The following PLCXD1 variants were observed in gnomAD, a reference collection of about 807,000 sequenced individuals.
PLCXD1 encodes phosphatidylinositol specific phospholipase C X domain containing 1, also known as PI-PLC X domain-containing protein 1.
PLCXD1 carries 45 observed loss-of-function variants against 37.8 expected under a neutral mutation model. That is an observed-to-expected ratio of 1.19 (90% confidence interval 0.94 to 1.53). The LOEUF (loss-of-function observed/expected upper bound fraction) is 1.53. Among genes scored for constraint, PLCXD1 ranks in the 40% most tolerant of loss-of-function variants. The probability of loss-of-function intolerance (pLI) is 0.00; values close to 1 mark genes in which losing one functional copy is unlikely to be tolerated. For missense variants in PLCXD1, 539 were observed against 454.7 expected, an observed-to-expected ratio of 1.19 and a Z score of -1.69; for synonymous variants, 246 against 206.9, an observed-to-expected ratio of 1.19 and a Z score of -1.62.
chrX:300,550 GTATGCA>G lies in PLCXD1; in HGVS notation c.*1217_*1222del, dbSNP rs2069980257. On this transcript the variant is annotated 3_prime_UTR_variant, in exon 7 of 7. Coordinates refer to ENST00000381657, the MANE Select transcript of PLCXD1 (RefSeq NM_018390.4). The stretch of plus-strand genomic sequence containing the variant: ...TACGTGTATGCATACATGTATATGT[GTATGCA>G]TGTATATGTGTATGTGTACATGTAT... The G allele has an allele frequency of 6.7e-6, 1 of 149,952 alleles. No homozygotes were observed. Among genetic ancestry groups the G allele is most frequent in the African/African-American group, 2.5e-5 (1 of 39,558 alleles). 9.3% of individuals were successfully genotyped at this position (149,952 alleles called of 1,614,324 possible). A position where few individuals can be genotyped will look rare whatever the true frequency, so the allele number is the denominator to read the frequency against.
chrX:278,293 GGAGT>G (rs377063231), upstream of PLCXD1, among the ~76,000 whole-genome samples: 38 of 152,156 alleles, frequency 2.5e-4, no homozygotes, highest in African/African-American at 7.5e-4. Context: ...TGGGAGGGAG[GGAGT>G]ATGACAGTAG....
At chrX:286,489 A>G (rs984452719) in intron 2 of PLCXD1, among the ~76,000 whole-genome samples, 7 of 152,146 alleles carry the variant, frequency 4.6e-5, no homozygotes, top group Non-Finnish European at 7.3e-5. Context: ...GATTAAAGAA[A>G]GAAGAGGTTT....
In PLCXD1 at chrX:293,105, C is replaced by T; in HGVS notation, c.620C>T (p.Ser207Phe). ...QVIVSYEDES[S>F]LRRHHELWPG... Reference sequence around the variant, plus strand: ...ATCGTCTCCTATGAAGACGAGAGCTCCTTGCGCCGGCACCACGAGCTGTGG... The same window carrying T: ...ATCGTCTCCTATGAAGACGAGAGCTTCTTGCGCCGGCACCACGAGCTGTGG... The change falls in exon 6 of 7, where the codon TCC (serine) becomes TTC (phenylalanine). Residue 207 changes from serine (S) to phenylalanine (F), a missense_variant. Ser to Phe is a radical substitution (Grantham distance 155). Transcript: ENST00000381657. 2 of 1,612,180 alleles carry T rather than the reference C, an allele frequency of 1.2e-6. No individual in the cohort carries two copies. The highest frequency in any genetic ancestry group is 1.7e-6 in the Non-Finnish European group (2 of 1,179,682).
At chrX:285,268 G>A (rs6655397) in intron 2 of PLCXD1, among the ~76,000 whole-genome samples, 17,950 of 151,966 alleles carry the variant, frequency 0.12, 1,750 homozygotes, top group African/African-American at 0.27. Flanking sequence ...ATGTATACAT[G>A]CACATAGGCT....
intron 6 of PLCXD1, among the ~76,000 whole-genome samples, chrX:295,939 C>T (rs1258223412): frequency 1.3e-5 from 2 of 151,758 alleles, no homozygotes; most frequent in African/African-American, 2.4e-5. Context: ...CTCCTGGGTT[C>T]GAGCAATTCT....
rs377222357 is a variant in PLCXD1, at chrX:293,254, C to A, written c.733+36C>A. ...GCCCCTCGTGGGGGTAGATTCCACA[C>A]AGCCTCCCGTGACGCCCTGCGGCAG... On this transcript the variant is annotated intron_variant, in intron 6 of 6. Transcript: ENST00000381657. The A allele has an allele frequency of 9.1e-6, 14 of 1,544,972 alleles. No homozygotes were observed. The African/African-American group carries it at 1.8e-4, about 20-fold the overall frequency.
At position 299,478 on chromosome X, in the gene PLCXD1, T is replaced by TG. The variant is rs1345633324; in HGVS notation, c.*145dup. The TG allele has an allele frequency of 2.9e-6, 2 of 698,518 alleles. No homozygotes were observed. Among genetic ancestry groups the TG allele is most frequent in the Admixed American group, 4.6e-5 (2 of 43,106 alleles). 43.3% of individuals were successfully genotyped at this position (698,518 alleles called of 1,614,324 possible). On this transcript the variant is annotated 3_prime_UTR_variant, in exon 7 of 7. Coordinates refer to ENST00000381657, the MANE Select transcript of PLCXD1 (RefSeq NM_018390.4). ...CATTTTCTTTAAAATAGAGATGGGGTGGCTGGGCGTGGTGACTTCGCCTGT... is the reference window on the plus strand; with the variant it reads ...CATTTTCTTTAAAATAGAGATGGGGTGGGCTGGGCGTGGTGACTTCGCCTGT...
At chrX:291,360 G>A in intron 4 of PLCXD1, 139 bp from the exon 5 acceptor site, 2 of 833,848 alleles carry the variant, frequency 2.4e-6, no homozygotes, top group South Asian at 1.5e-5. Context: ...TGGCTAGGCT[G>A]GTCTCAAACT....
In PLCXD1 at chrX:288,786, G is replaced by T. The variant is rs1486551019; in HGVS notation, c.181G>T (p.Glu61Ter). The T allele has an allele frequency of 6.2e-7, 1 of 1,613,808 alleles. No individual in the cohort carries two copies. Among genetic ancestry groups the T allele is most frequent in the East Asian group, 2.2e-5 (1 of 44,888 alleles). Residue 61 changes from glutamate to a stop codon, truncating the protein, a stop_gained, in exon 3 of 7, where the codon GAG (glutamate) becomes TAG (stop). Coordinates refer to ENST00000381657, the MANE Select transcript of PLCXD1 (RefSeq NM_018390.4). LOFTEE classifies it high-confidence loss of function. ...CLNKKSPISH[E>*]ESRLLQLLNK... is the part of the protein sequence containing the mutation. ...GAACAAGAAGTCCCCCATTTCGCAC[G>T]AGGAGTCCCGGCTGCTGCAGCTGCT...
At chrX:294,892 G>T (rs1427556840) in intron 6 of PLCXD1, among the ~76,000 whole-genome samples, 1 of 151,910 alleles carries the variant, frequency 6.6e-6, no homozygotes, top group African/African-American at 2.4e-5. Flanking sequence ...TTAAAATCGT[G>T]AATTTCGGTG....
At chrX:285,313 C>T (rs940047734) in intron 2 of PLCXD1, among the ~76,000 whole-genome samples, 3 of 152,040 alleles carry the variant, frequency 2.0e-5, no homozygotes, top group Non-Finnish European at 2.9e-5. Context: ...CATGCATGCA[C>T]ATGTGCGGGT....
chrX:290,625 A>G (rs772365603), intron 3 of PLCXD1, 23 bp from the exon 4 acceptor site: 2 of 1,613,068 alleles, frequency 1.2e-6, no homozygotes, highest in East Asian at 2.2e-5. Flanking sequence ...CCAGGCAGAC[A>G]TGACAGCAGC....
rs767362984 is a variant in PLCXD1, at chrX:298,724, T to A, written c.734-373T>A. 7.7e-4 allele frequency among the ~76,000 whole-genome samples: 48 copies of A among 62,058 alleles called. 13 individuals are homozygous for A. Among genetic ancestry groups the A allele is most frequent in the Non-Finnish European group, 5.9e-4 (19 of 32,308 alleles). The allele number at this position is 62,058 out of a possible 152,430, so 40.7% of individuals were successfully genotyped here. On this transcript the variant is annotated intron_variant, in intron 6 of 6. Transcript: ENST00000381657. ...ATGGGGATCAGGACGTGGACATCTT[T>A]GGGGCCATTATCCTGTCTATCACAT...
At position 300,426 on chromosome X, in the gene PLCXD1, G is replaced by A. The variant is rs1350210629; in HGVS notation, c.*1091G>A. 8.7e-6 allele frequency: 1 copy of A among 115,108 alleles called. No homozygotes were observed. The highest frequency in any genetic ancestry group is 2.5e-4 in the South Asian group (1 of 4,030). 7.1% of individuals were successfully genotyped at this position (115,108 alleles called of 1,614,324 possible). On this transcript the variant is annotated 3_prime_UTR_variant, in exon 7 of 7. Transcript: ENST00000381657. The stretch of plus-strand genomic sequence containing the variant: ...TGTGTGTATATATGTGTATATATCG[G>A]TGTGTATATATGTATGTATGTTTAT...
At chrX:291,302 C>G (rs1341730735) in intron 4 of PLCXD1, among the ~76,000 whole-genome samples, 197 bp from the exon 5 acceptor site, 1 of 152,056 alleles carries the variant, frequency 6.6e-6, no homozygotes, top group Non-Finnish European at 1.5e-5. Flanking sequence ...CCGGACACCA[C>G]GCCCAGCTAA....
In PLCXD1 at chrX:299,771, C is replaced by A. The variant is rs28557060; in HGVS notation, c.*436C>A. The stretch of plus-strand genomic sequence containing the variant: ...GACTCCATCTCAAAAGAAAAAAAAA[C>A]AGCCGAGTGTGCAGTGACTCACGCC... On this transcript the variant is annotated 3_prime_UTR_variant, in exon 7 of 7. Coordinates refer to ENST00000381657, the MANE Select transcript of PLCXD1 (RefSeq NM_018390.4). The A allele has an allele frequency of 0.067, 12,050 of 179,120 alleles. 1,418 individuals are homozygous for A. The highest frequency in any genetic ancestry group is 0.29 in the African/African-American group (11,007 of 37,412). 11.1% of individuals were successfully genotyped at this position (179,120 alleles called of 1,614,324 possible). A position where few individuals can be genotyped will look rare whatever the true frequency, so the allele number is the denominator to read the frequency against.
At chrX:293,602 A>G (rs1396785034) in intron 6 of PLCXD1, among the ~76,000 whole-genome samples, 1 of 152,176 alleles carries the variant, frequency 6.6e-6, no homozygotes, top group Non-Finnish European at 1.5e-5. Flanking sequence ...TCTACTTAAG[A>G]AGCACCCAGG....
rs1381810301 is a variant in PLCXD1, at chrX:283,563, C to CG, written c.-21-604_-21-603insG. 1.8e-3 allele frequency: 245 copies of CG among 135,468 alleles called. 13 individuals carry two copies. The highest frequency in any genetic ancestry group is 6.1e-3 in the African/African-American group (228 of 37,264). The allele number at this position is 135,468 out of a possible 1,614,324, so 8.4% of individuals were successfully genotyped here. On this transcript the variant is annotated intron_variant, in intron 1 of 6. Transcript: ENST00000381657. ...GGTGTCAGGCCCGGGTGGGGGCGGC[C>CG]TTGGTGTCAGGCCCGGGTGGGGGCG...
At position 303,202 on chromosome X, in the gene PLCXD1, G is replaced by C. The variant is rs1208521710; in HGVS notation, c.*3867G>C. 2.0e-5 allele frequency: 3 copies of C among 152,182 alleles called. No homozygotes were observed. Among genetic ancestry groups the C allele is most frequent in the Non-Finnish European group, 4.4e-5 (3 of 68,040 alleles). 9.4% of individuals were successfully genotyped at this position (152,182 alleles called of 1,614,324 possible). ...GCTACCTCAGCCCCACGGCTCTGCA[G>C]GATCAGGGCTCGGGCAGGCCCCGCG... On this transcript the variant is annotated 3_prime_UTR_variant, in exon 7 of 7. Transcript: ENST00000381657.
Sources: gnomAD v4.1 joint callset for allele counts (sites outside exome capture counted in the v4.1 genomes callset) on GRCh38, gnomAD v4.1.1 for gene constraint, MANE v1.5 for transcripts, NCBI Gene and HGNC (gene_info 2026-07-23, HGNC 2026-07-21) for gene names.